Variants in ERC1 observed in about 807,000 individuals in gnomAD.
ERC1 encodes RAB6 interacting protein 2.
In ERC1, 56 loss-of-function variants were observed where a neutral mutation model predicts 132.0. That is an observed-to-expected ratio of 0.42 (90% CI 0.34 to 0.53). ERC1 has a LOEUF of 0.53. ERC1 is among the 20% of genes least tolerant of loss of function. The probability of loss-of-function intolerance (pLI) is 0.03; values close to 1 mark genes in which losing one functional copy is unlikely to be tolerated. For synonymous variants in ERC1, 478 were observed against 476.1 expected (o/e 1.00, Z -0.05); for missense variants, 1,202 against 1,349.9 (o/e 0.89, Z 1.72).
At chr12:1,031,953 G>T (rs1397678881) in intron 2 of ERC1, among the ~76,000 whole-genome samples, 1 of 152,090 alleles carries the variant, frequency 6.6e-6, no homozygotes, top group East Asian at 1.9e-4. Flanking sequence ...CTGGAGATGG[G>T]GTCCAGGAAC....
At chr12:994,867 C>T (rs1327251489) in intron 1 of ERC1, among the ~76,000 whole-genome samples, 1 of 152,002 alleles carries the variant, frequency 6.6e-6, no homozygotes, top group African/African-American at 2.4e-5. Context: ...GAGGCCAAGG[C>T]GGGCGGATCA....
chr12:1,165,622 C>T (rs59332759), intron 8 of ERC1, among the ~76,000 whole-genome samples: 4,518 of 152,130 alleles, frequency 0.03, 228 homozygotes, highest in African/African-American at 0.1. Flanking sequence ...TATGAGCCAC[C>T]GCGCCTGGCG....
intron 2 of ERC1, among the ~76,000 whole-genome samples, chr12:1,034,108 A>C (rs967742524): frequency 6.6e-6 from 1 of 152,126 alleles, no homozygotes; most frequent in Non-Finnish European, 1.5e-5. Context: ...AGATTGGTAA[A>C]TTTGGAGTAT....
At chr12:1,480,120 G>C (rs1019731272) in intron 18 of ERC1, among the ~76,000 whole-genome samples, 1 of 147,972 alleles carries the variant, frequency 6.8e-6, no homozygotes, top group African/African-American at 2.5e-5. Flanking sequence ...ATAAAATCTT[G>C]CAGTGCCCAG....
chr12:1,219,697 G>C (rs957688237), intron 12 of ERC1, among the ~76,000 whole-genome samples: 1 of 147,786 alleles, frequency 6.8e-6, no homozygotes, highest in South Asian at 2.1e-4. Flanking sequence ...GTAGCCTGGC[G>C]TAATCTCGGC....
At position 1,104,837 on chromosome 12, in the gene ERC1, C is replaced by G. The variant is rs761298495; in HGVS notation, c.1161+13C>G. On this transcript the variant is annotated intron_variant, in intron 4 of 18. Transcript: ENST00000360905. ...TATTGAGATGAAGGTAAGTGAGAAT[C>G]TAGTAAAGAATCTTATGAATTACCT... 1.1e-5 allele frequency: 17 copies of G among 1,580,710 alleles called. 1 individual carries two copies. In the South Asian group the frequency reaches 1.9e-4, roughly 18 times the overall value.
At chr12:1,208,534 A>G (rs924599577) in intron 12 of ERC1, among the ~76,000 whole-genome samples, 3 of 152,004 alleles carry the variant, frequency 2.0e-5, no homozygotes, top group African/African-American at 7.3e-5. Flanking sequence ...TACCTTTTTA[A>G]ATTTATGCTT....
intron 2 of ERC1, 87 bp downstream of exon 2, chr12:1,028,659 C>T: frequency 9.2e-7 from 1 of 1,081,450 alleles, no homozygotes; most frequent in East Asian, 2.5e-5. Flanking sequence ...AGATTTTTCC[C>T]TTCGTAGTAT....
At chr12:1,196,978 T>TATA (rs1566215566) in intron 12 of ERC1, among the ~76,000 whole-genome samples, 1 of 45,392 alleles carries the variant, frequency 2.2e-5, no homozygotes, top group Non-Finnish European at 4.3e-5. Flanking sequence ...ATATATATAT[T>TATA]TTTTTTTTTT....
At chr12:1,165,367 G>A (rs984922429) in intron 8 of ERC1, among the ~76,000 whole-genome samples, 14 of 151,638 alleles carry the variant, frequency 9.2e-5, no homozygotes, top group East Asian at 7.8e-4. Context: ...GTGCAGTGGC[G>A]CGATCTTGGC....
In ERC1 at chr12:1,348,474, G is replaced by A. The variant is rs145352058; in HGVS notation, c.2781-23359G>A. On this transcript the variant is annotated intron_variant, in intron 15 of 18. Coordinates refer to ENST00000360905, the MANE Select transcript of ERC1 (RefSeq NM_178040.4). ...GGCCGAGGCGGGCAGATCACTTGAG[G>A]TCAGGAGTTCGAGACCATCCTGGCC... Among the ~76,000 whole-genome samples the A allele has an allele frequency of 5.8e-3, 887 of 152,128 alleles. 12 individuals carry two copies. Among genetic ancestry groups the A allele is most frequent in the Admixed American group, 9.4e-3 (144 of 15,284 alleles).
intron 17 of ERC1, among the ~76,000 whole-genome samples, chr12:1,421,853 TA>T (rs2092441841): frequency 7.4e-6 from 1 of 135,948 alleles, no homozygotes; most frequent in Non-Finnish European, 1.6e-5. Context: ...CCATCTCTAC[TA>T]AAAATACAAA....
intron 2 of ERC1, among the ~76,000 whole-genome samples, chr12:1,056,071 CTTT>C (rs746163650): frequency 0.067 from 9,284 of 138,140 alleles, 449 homozygotes; most frequent in African/African-American, 0.14. Context: ...TTATTGTAGC[CTTT>C]TTTTTTTTTT....
intron 2 of ERC1, among the ~76,000 whole-genome samples, chr12:1,071,107 G>A (rs1326489590): frequency 6.6e-6 from 1 of 152,158 alleles, no homozygotes; most frequent in Non-Finnish European, 1.5e-5. Flanking sequence ...TCTGTTGATG[G>A]ACATTTGTGT....
chr12:1,249,176 T>C (rs575369511), intron 13 of ERC1, among the ~76,000 whole-genome samples: 1 of 152,300 alleles, frequency 6.6e-6, no homozygotes, highest in South Asian at 2.1e-4. Context: ...TACTTTACAT[T>C]ACTTATTATA....
intron 15 of ERC1, among the ~76,000 whole-genome samples, chr12:1,309,517 A>G (rs926909841): frequency 6.6e-6 from 1 of 152,174 alleles, no homozygotes; most frequent in Non-Finnish European, 1.5e-5. Flanking sequence ...CAGAATGATT[A>G]TGAATTTCTT....
chr12:1,143,336 GTGTGTGTGTGT>G (rs1950031392), intron 8 of ERC1, among the ~76,000 whole-genome samples: 1 of 69,138 alleles, frequency 1.4e-5, no homozygotes, highest in African/African-American at 1.3e-4. Flanking sequence ...ACTCGTGTGT[GTGTGTGTGTGT>G]GTGTGTGTGT....
rs781069193 is a variant in ERC1 at position 1,371,893 on chromosome 12, T to C, written c.2841T>C (p.Leu947=). ...ACGCCAATATAGCTCTCTTGGAGCT[T>C]TCGTCCTCTAAGAAGAAGACCCAAG... The part of the protein sequence containing the change: ...EKDANIALLE[L]SSSKKKTQEE... The change falls in exon 16 of 19, where the codon CTT becomes CTC. Residue 947 remains leucine (L), a synonymous_variant. Transcript: ENST00000360905. The C allele has an allele frequency of 6.2e-7, 1 of 1,614,060 alleles. No homozygotes were observed.
chr12:1,017,495 ATTTTTTTT>A (rs67654163), intron 1 of ERC1, among the ~76,000 whole-genome samples: 1 of 124,906 alleles, frequency 8.0e-6, no homozygotes, highest in African/African-American at 3.0e-5. Flanking sequence ...TTGTTCTGGT[ATTTTTTTT>A]TTTTTTTTTT....
Sources: allele counts gnomAD v4.1 joint callset (sites outside exome capture counted in the v4.1 genomes callset), GRCh38; gene constraint gnomAD v4.1.1; transcripts MANE v1.5; gene names NCBI Gene and HGNC (gene_info 2026-07-23, HGNC 2026-07-21).